PLCL2: variants seen among roughly 807,000 people sequenced by gnomAD.
PLCL2 encodes the protein phospholipase C like 2.
A neutral mutation model predicts 79.6 loss-of-function variants in PLCL2; 4 were observed. That is an observed-to-expected ratio of 0.05 (90% CI 0.02 to 0.11). The LOEUF (loss-of-function observed/expected upper bound fraction) is 0.11, where lower values mean the gene tolerates loss of function less well. Among genes scored for constraint, PLCL2 ranks in the 10% least tolerant of loss-of-function variants. The pLI, the probability that PLCL2 is intolerant of heterozygous loss-of-function variation, is 1.00. For synonymous variants in PLCL2, 484 were observed against 457.7 expected, an observed-to-expected ratio of 1.06 and a Z score of -0.73; for missense variants, 895 against 1,291.0, an observed-to-expected ratio of 0.69 and a Z score of 4.70.
chr3:17,083,216 T>C (rs924680743), intron 5 of PLCL2, among the ~76,000 whole-genome samples: 9 of 151,896 alleles, frequency 5.9e-5, no homozygotes, highest in African/African-American at 2.2e-4. Flanking sequence ...TTAGACAAGA[T>C]GGGGCTGTCA....
At chr3:16,893,933 G>T (rs984363388) in intron 1 of PLCL2, among the ~76,000 whole-genome samples, 2 of 152,118 alleles carry the variant, frequency 1.3e-5, no homozygotes, top group Non-Finnish European at 2.9e-5. Context: ...CTGATGGGTA[G>T]CAGGTGTATG....
chr3:16,973,299 G>C (rs544787763), intron 1 of PLCL2, among the ~76,000 whole-genome samples: 1 of 151,536 alleles, frequency 6.6e-6, no homozygotes, highest in African/African-American at 2.4e-5. Context: ...TAGGAATGCT[G>C]AATATAGGCC....
intron 1 of PLCL2, among the ~76,000 whole-genome samples, chr3:16,946,995 G>A (rs1347229464): frequency 2.2e-5 from 2 of 91,074 alleles, no homozygotes; most frequent in Non-Finnish European, 4.0e-5. Context: ...TTGCTCTGTT[G>A]CCCAGGCTGG....
intron 1 of PLCL2, among the ~76,000 whole-genome samples, chr3:16,928,267 C>T (rs1697304939): frequency 6.6e-6 from 1 of 152,182 alleles, no homozygotes; most frequent in Non-Finnish European, 1.5e-5. Flanking sequence ...ATGGGCACTT[C>T]ATTCACATTG....
At chr3:17,052,150 A>C (rs1294508189) in intron 4 of PLCL2, among the ~76,000 whole-genome samples, 1 of 151,126 alleles carries the variant, frequency 6.6e-6, no homozygotes, top group Non-Finnish European at 1.5e-5. Flanking sequence ...AAAACAATAA[A>C]TTCCTGCTGG....
intron 4 of PLCL2, among the ~76,000 whole-genome samples, chr3:17,050,343 T>C (rs1171664585): frequency 2.6e-5 from 4 of 152,044 alleles, no homozygotes. Context: ...GTTAAAAGGC[T>C]TCCACACAGT....
intron 1 of PLCL2, among the ~76,000 whole-genome samples, chr3:16,932,100 G>T (rs997990012): frequency 1.3e-5 from 2 of 152,206 alleles, no homozygotes; most frequent in African/African-American, 4.8e-5. Context: ...AGAACTGTGA[G>T]AAACAAATTT....
chr3:17,086,469 G>A (rs2065221403), intron 5 of PLCL2, among the ~76,000 whole-genome samples: 1 of 152,164 alleles, frequency 6.6e-6, no homozygotes, highest in Admixed American at 6.5e-5. Context: ...AAAACACAAA[G>A]CTATAGAATT....
intron 1 of PLCL2, among the ~76,000 whole-genome samples, chr3:16,919,055 G>A (rs576039911): frequency 7.9e-5 from 12 of 152,144 alleles, no homozygotes; most frequent in South Asian, 4.2e-4. Context: ...ATAATACTTC[G>A]TTGTGAAATA....
chr3:16,909,978 C>G (rs1241956469), intron 1 of PLCL2, among the ~76,000 whole-genome samples: 1 of 152,146 alleles, frequency 6.6e-6, no homozygotes, highest in Non-Finnish European at 1.5e-5. Context: ...CCAAGATGAA[C>G]TCGCCTGGAT....
chr3:17,051,719 A>C (rs986264314), intron 4 of PLCL2, among the ~76,000 whole-genome samples: 88 of 152,308 alleles, frequency 5.8e-4, no homozygotes, highest in African/African-American at 2.1e-3. Context: ...AAAGATAAAC[A>C]CCAGCTGCCA....
At chr3:17,075,243 A>G (rs1432209030) in intron 5 of PLCL2, among the ~76,000 whole-genome samples, 1 of 152,142 alleles carries the variant, frequency 6.6e-6, no homozygotes, top group Non-Finnish European at 1.5e-5. Context: ...GCATGTCATT[A>G]GGGAGGCCTG....
intron 1 of PLCL2, among the ~76,000 whole-genome samples, chr3:16,989,696 C>T (rs2064084403): frequency 6.6e-6 from 1 of 152,176 alleles, no homozygotes; most frequent in Admixed American, 6.5e-5. Flanking sequence ...CCAATACTGT[C>T]ACTAAGGGAA....
intron 1 of PLCL2, among the ~76,000 whole-genome samples, chr3:16,968,587 A>T (rs1318675426): frequency 6.6e-6 from 1 of 152,094 alleles, no homozygotes; most frequent in Non-Finnish European, 1.5e-5. Flanking sequence ...TTGTTGGTGT[A>T]TATAAATGCT....
chr3:17,071,857 C>T (rs2065063371), intron 5 of PLCL2, among the ~76,000 whole-genome samples: 1 of 151,268 alleles, frequency 6.6e-6, no homozygotes. Flanking sequence ...GATGGAGTCT[C>T]ACTCTGTCAC....
chr3:17,007,975 C>A (rs902808403), intron 1 of PLCL2, among the ~76,000 whole-genome samples: 1 of 152,082 alleles, frequency 6.6e-6, no homozygotes, highest in Non-Finnish European at 1.5e-5. Flanking sequence ...GCACTCTTTT[C>A]AAATAATAAA....
intron 5 of PLCL2, among the ~76,000 whole-genome samples, chr3:17,068,375 GA>G (rs1185026248): frequency 6.6e-6 from 1 of 152,154 alleles, no homozygotes; most frequent in Non-Finnish European, 1.5e-5. Flanking sequence ...ATGTAAAATA[GA>G]AAATATTGAT....
intron 3 of PLCL2, among the ~76,000 whole-genome samples, chr3:17,035,611 C>A (rs1328114002): frequency 6.6e-6 from 1 of 152,188 alleles, no homozygotes; most frequent in Non-Finnish European, 1.5e-5. Context: ...TTCCTTCACA[C>A]TGATGCTTGT....
At chr3:17,084,139 T>G (rs1056032308) in intron 5 of PLCL2, among the ~76,000 whole-genome samples, 1 of 152,154 alleles carries the variant, frequency 6.6e-6, no homozygotes, top group Non-Finnish European at 1.5e-5. Context: ...AAAAGGATAA[T>G]GAAGGAATAT....
Sources: allele counts gnomAD v4.1 joint callset (sites outside exome capture counted in the v4.1 genomes callset), GRCh38; gene constraint gnomAD v4.1.1; transcripts MANE v1.5; gene names NCBI Gene and HGNC (gene_info 2026-07-23, HGNC 2026-07-21).